Variants in UGT8 observed in about 807,000 individuals in gnomAD.
UGT8 encodes the protein UDP glycosyltransferase 8, also known as 2-hydroxyacylsphingosine 1-beta-galactosyltransferase.
In UGT8, 12 loss-of-function variants were observed where a neutral mutation model predicts 40.5. That is an observed-to-expected ratio of 0.30 (90% CI 0.19 to 0.48). The LOEUF is 0.48. Ranked by LOEUF, UGT8 falls within the 20% of genes least tolerant of loss-of-function variation. The pLI is 0.99. For missense variants in UGT8, 513 were observed against 648.7 expected (o/e 0.79, Z 2.27); for synonymous variants, 224 against 240.4 (o/e 0.93, Z 0.63).
intron 2 of UGT8, among the ~76,000 whole-genome samples, chr4:114,641,841 T>C (rs1261441662): frequency 1.3e-5 from 2 of 152,198 alleles, no homozygotes; most frequent in African/African-American, 4.8e-5. Flanking sequence ...CATTTTCTTT[T>C]ACACTTTGAC....
chr4:114,643,453 A>G (rs1733351714), intron 2 of UGT8, among the ~76,000 whole-genome samples: 1 of 152,170 alleles, frequency 6.6e-6, no homozygotes, highest in African/African-American at 2.4e-5. Context: ...AGAGAAACTT[A>G]TGGGGATTAG....
intron 1 of UGT8, among the ~76,000 whole-genome samples, chr4:114,619,081 CTCT>C (rs1731612182): frequency 2.0e-5 from 3 of 152,128 alleles, no homozygotes; most frequent in Admixed American, 2.0e-4. Flanking sequence ...AATGTATTCT[CTCT>C]TCTTTTTATA....
intron 1 of UGT8, among the ~76,000 whole-genome samples, chr4:114,603,829 T>G (rs1245831904): frequency 6.6e-6 from 1 of 152,236 alleles, no homozygotes; most frequent in Admixed American, 6.5e-5. Context: ...AAATGCTACC[T>G]GTTTTATGGA....
At chr4:114,601,256 A>G (rs919267590) in intron 1 of UGT8, among the ~76,000 whole-genome samples, 2 of 152,212 alleles carry the variant, frequency 1.3e-5, no homozygotes, top group Non-Finnish European at 2.9e-5. Context: ...ACATTTCCCA[A>G]TAATTTAAAT....
chr4:114,620,575 T>C (rs1426535230), intron 1 of UGT8, among the ~76,000 whole-genome samples: 1 of 152,218 alleles, frequency 6.6e-6, no homozygotes, highest in African/African-American at 2.4e-5. Context: ...TCTCCAAAGT[T>C]AATTATTTTT....
intron 2 of UGT8, among the ~76,000 whole-genome samples, chr4:114,628,313 T>G (rs1578421592): frequency 6.6e-6 from 1 of 152,060 alleles, no homozygotes; most frequent in Non-Finnish European, 1.5e-5. Flanking sequence ...TTAATTTTTA[T>G]ATTTTCAGTA....
At chr4:114,663,584 A>G (rs983952577) in intron 2 of UGT8, 2 of 495,648 alleles carry the variant, frequency 4.0e-6, no homozygotes, top group Non-Finnish European at 5.2e-6. Flanking sequence ...ACTGGCAAAA[A>G]TTTGTAAATG....
chr4:114,659,623 G>A (rs1047710468), intron 2 of UGT8, among the ~76,000 whole-genome samples: 2 of 152,126 alleles, frequency 1.3e-5, no homozygotes, highest in African/African-American at 2.4e-5. Flanking sequence ...GCTGGTCTAC[G>A]TACAAGACGA....
intron 1 of UGT8, among the ~76,000 whole-genome samples, chr4:114,600,905 C>T (rs912530534): frequency 2.6e-5 from 4 of 152,044 alleles, no homozygotes; most frequent in Admixed American, 1.3e-4. Context: ...GATTTGCCTG[C>T]CACCTACAAG....
At chr4:114,661,581 C>A (rs1734541739) in intron 2 of UGT8, among the ~76,000 whole-genome samples, 2 of 152,198 alleles carry the variant, frequency 1.3e-5, no homozygotes, top group Admixed American at 1.3e-4. Context: ...CAAAATCCAA[C>A]CCCTTCAATG....
chr4:114,650,766 AAAC>A (rs1252498724), intron 2 of UGT8, among the ~76,000 whole-genome samples: 2 of 152,102 alleles, frequency 1.3e-5, no homozygotes, highest in Non-Finnish European at 2.9e-5. Context: ...CTTTGTTTAA[AAAC>A]AACAACAACA....
At chr4:114,658,534 C>CTCTAGATAACA (rs1291705591) in intron 2 of UGT8, among the ~76,000 whole-genome samples, 1 of 152,180 alleles carries the variant, frequency 6.6e-6, no homozygotes, top group Non-Finnish European at 1.5e-5. Flanking sequence ...CTGTTATCCT[C>CTCTAGATAACA]TCTAGAGGTC....
intron 1 of UGT8, among the ~76,000 whole-genome samples, chr4:114,617,243 G>A (rs1731498311): frequency 6.6e-6 from 1 of 152,190 alleles, no homozygotes; most frequent in South Asian, 2.1e-4. Context: ...TACAGAGCAA[G>A]ACTCCATCTC....
chr4:114,643,716 CTA>C (rs1034950253), intron 2 of UGT8, among the ~76,000 whole-genome samples: 9 of 151,790 alleles, frequency 5.9e-5, no homozygotes, highest in Non-Finnish European at 1.3e-4. Flanking sequence ...AACTAAGACA[CTA>C]AGCATATTAC....
At chr4:114,647,685 C>T (rs780124647) in intron 2 of UGT8, among the ~76,000 whole-genome samples, 1 of 152,078 alleles carries the variant, frequency 6.6e-6, no homozygotes, top group Non-Finnish European at 1.5e-5. Context: ...CTCATAATAT[C>T]CCTAGAAGGT....
rs752387548 is a variant in UGT8 at position 114,676,095 on chromosome 4, C to G, written c.1433C>G (p.Ala478Gly). The G allele has an allele frequency of 3.5e-5, 56 of 1,614,058 alleles. No individual in the cohort carries two copies. The highest frequency in any genetic ancestry group is 4.7e-5 in the Non-Finnish European group (55 of 1,180,048). ...SFCQYFLLDI[A>G]FVLLLGAALL... is the part of the protein sequence containing the mutation. ...TGTCAGTATTTTTTACTGGATATTG[C>G]CTTTGTGCTTTTGCTTGGTGCTGCC... is the stretch of plus-strand genomic sequence containing the variant. The change falls in exon 6 of 6, where the codon GCC becomes GGC. Residue 478 changes from alanine to glycine, a missense_variant. Physicochemically the swap from Ala to Gly is moderately conservative, Grantham distance 60 (BLOSUM62 0). This residue lies in a region of UGT8 where 175 missense variants were observed against 186.7 expected (regional missense o/e 0.94). Transcript: ENST00000310836.
At chr4:114,663,873 C>G (rs11731984) in intron 2 of UGT8, 122 bp from the exon 3 acceptor site, 1,143,991 of 1,468,466 alleles carry the variant, frequency 0.78, 451,148 homozygotes, top group East Asian at 0.96. Context: ...ATATCATATC[C>G]TTTACTTTCT....
chr4:114,665,318 G>A, intron 3 of UGT8: 1 of 933,760 alleles, frequency 1.1e-6, no homozygotes, highest in African/African-American at 1.8e-5. Context: ...AGCTCTCCCT[G>A]CTCCTTCTTG....
At chr4:114,671,363 A>G (rs538305849) in intron 5 of UGT8, among the ~76,000 whole-genome samples, 44 of 152,284 alleles carry the variant, frequency 2.9e-4, no homozygotes, top group Non-Finnish European at 5.4e-4. Context: ...ATCCTAAGCA[A>G]AAACAACCAA....
Sources: allele counts gnomAD v4.1 joint callset (sites outside exome capture counted in the v4.1 genomes callset), GRCh38; gene constraint gnomAD v4.1.1; regional missense constraint gnomAD v4.1.1; transcripts MANE v1.5; gene names NCBI Gene and HGNC (gene_info 2026-07-23, HGNC 2026-07-21).